UBAP2: variants seen among roughly 807,000 people sequenced by gnomAD.
UBAP2 encodes ubiquitin associated protein 2.
A neutral mutation model predicts 139.6 loss-of-function variants in UBAP2; 75 were observed. That is an observed-to-expected ratio of 0.54 (90% CI 0.45 to 0.65). The LOEUF (loss-of-function observed/expected upper bound fraction) is 0.65, where lower values mean the gene tolerates loss of function less well. Ranked by LOEUF, UBAP2 falls within the 30% of genes least tolerant of loss-of-function variation. The probability of loss-of-function intolerance (pLI) is 0.00; values close to 1 mark genes in which losing one functional copy is unlikely to be tolerated. For missense variants in UBAP2, 1,368 were observed against 1,369.6 expected, an observed-to-expected ratio of 1.00 and a Z score of 0.02; for synonymous variants, 526 against 526.2, an observed-to-expected ratio of 1.00 and a Z score of 0.01.
intron 2 of UBAP2, among the ~76,000 whole-genome samples, chr9:34,001,768 AC>A (rs1822723233): frequency 6.6e-6 from 1 of 152,000 alleles, no homozygotes; most frequent in Non-Finnish European, 1.5e-5. Flanking sequence ...TGTGTTTCAA[AC>A]CTAAAAAATG....
Position 33,964,661 on chromosome 9 carries a change from G to A in UBAP2, c.680-870C>T, listed in dbSNP as rs140226006. 4.2e-3 allele frequency among the ~76,000 whole-genome samples: 642 copies of A among 151,568 alleles called. 3 individuals are homozygous for A. Among genetic ancestry groups the A allele is most frequent in the Non-Finnish European group, 7.3e-3 (493 of 67,906 alleles). On this transcript the variant is annotated intron_variant, in intron 8 of 28. Transcript: ENST00000379238. ...GTTGTAGTGCACTAAGATTACGCCT[G>A]TGAATACCAACTACACTCCAGCCTG...
chr9:34,020,552 G>A lies in UBAP2; in HGVS notation c.-41-3363C>T, dbSNP rs141657290. Among the ~76,000 whole-genome samples, 926 of 151,798 alleles carry A rather than the reference G, an allele frequency of 6.1e-3. 7 individuals are homozygous for A. Among genetic ancestry groups the A allele is most frequent in the African/African-American group, 0.021 (875 of 41,406 alleles). On this transcript the variant is annotated intron_variant, in intron 1 of 28. Coordinates refer to ENST00000379238, the MANE Select transcript of UBAP2 (RefSeq NM_001370062.2). ...TGTTGGTCAGGCTGGTCTCAAACTC[G>A]TGGCCTCAGGTGATCCACCAGCCTT...
At chr9:34,032,862 T>C (rs1826005301) in intron 1 of UBAP2, among the ~76,000 whole-genome samples, 1 of 149,516 alleles carries the variant, frequency 6.7e-6, no homozygotes, top group African/African-American at 2.5e-5. Flanking sequence ...AGGCAGAGGT[T>C]GCAGTGAGCC....
intron 17 of UBAP2, chr9:33,934,419 A>C (rs1262931382): frequency 6.4e-6 from 1 of 155,742 alleles, no homozygotes. Flanking sequence ...AACCCAGGGA[A>C]AGCACTTGAG....
Position 33,932,621 on chromosome 9 carries a change from A to G in UBAP2, c.2116T>C (p.Ser706Pro), listed in dbSNP as rs1587513284. ...SPLSQLSSSL[S>P]SHQSSLSAHA... ...GCAGAGAGGCTGCTCTGGTGGCTGG[A>G]GAGCGAACTAGAAGACAAAACAGAG... Residue 706 changes from serine (S) to proline (P), a missense_variant, in exon 19 of 29, where the codon TCC (serine) becomes CCC (proline). Physicochemically the swap from Ser to Pro is moderately conservative, Grantham distance 74. Coordinates refer to ENST00000379238, the MANE Select transcript of UBAP2 (RefSeq NM_001370062.2). 1 of 1,613,998 alleles carries G rather than the reference A, an allele frequency of 6.2e-7. No individual in the cohort carries two copies. The highest frequency in any genetic ancestry group is 1.1e-5 in the South Asian group (1 of 91,058).
intron 3 of UBAP2, chr9:33,998,369 G>C (rs1271004740): frequency 6.3e-6 from 1 of 159,726 alleles, no homozygotes; most frequent in African/African-American, 2.4e-5. Flanking sequence ...CTGCACTCCA[G>C]CCTGGGCAAC....
Position 34,006,157 on chromosome 9 carries a change from C to T in UBAP2, c.100-7293G>A, listed in dbSNP as rs550392721. Among the ~76,000 whole-genome samples, 4 of 151,322 alleles carry T rather than the reference C, an allele frequency of 2.6e-5. No homozygotes were observed. The South Asian group carries it at 8.4e-4, about 32-fold the overall frequency. Reference sequence around the variant, plus strand: ...CCGAAGCAGGAGAATCGCTTGAACCCGGGAGGCCAGAGGTTGCAGTGAGCC... The same window carrying T: ...CCGAAGCAGGAGAATCGCTTGAACCTGGGAGGCCAGAGGTTGCAGTGAGCC... On this transcript the variant is annotated intron_variant, in intron 2 of 28. Coordinates refer to ENST00000379238, the MANE Select transcript of UBAP2 (RefSeq NM_001370062.2).
At chr9:34,025,508 A>G (rs1241358113) in intron 1 of UBAP2, among the ~76,000 whole-genome samples, 2 of 152,228 alleles carry the variant, frequency 1.3e-5, no homozygotes, top group Non-Finnish European at 2.9e-5. Context: ...AAGATGTGAT[A>G]GATTTTAACA....
intron 1 of UBAP2, among the ~76,000 whole-genome samples, chr9:34,035,838 C>T (rs998681947): frequency 6.6e-6 from 1 of 151,854 alleles, no homozygotes; most frequent in Admixed American, 6.6e-5. Flanking sequence ...ATCGTCCCTG[C>T]CTTTTTGCCT....
intron 8 of UBAP2, among the ~76,000 whole-genome samples, chr9:33,969,312 G>T (rs1827713320): frequency 6.6e-6 from 1 of 152,052 alleles, no homozygotes; most frequent in African/African-American, 2.4e-5. Flanking sequence ...CCTAGCACTG[G>T]CTGGGTGGGA....
chr9:34,041,732 T>C (rs1257736352), intron 1 of UBAP2, among the ~76,000 whole-genome samples: 1 of 151,584 alleles, frequency 6.6e-6, no homozygotes, highest in African/African-American at 2.4e-5. Context: ...AAAAAAGAAA[T>C]CTACATGGGG....
intron 12 of UBAP2, among the ~76,000 whole-genome samples, chr9:33,950,932 G>A (rs553116305): frequency 6.6e-6 from 1 of 152,154 alleles, no homozygotes; most frequent in Admixed American, 6.5e-5. Context: ...AACACACACA[G>A]TGCCCAAATC....
intron 6 of UBAP2, among the ~76,000 whole-genome samples, chr9:33,985,037 T>C (rs307702): frequency 0.19 from 29,252 of 152,144 alleles, 2,940 homozygotes; most frequent in South Asian, 0.36. Context: ...GGTACAGCCA[T>C]TTTGGAAAAC....
intron 17 of UBAP2, chr9:33,935,459 G>A (rs1824413903): frequency 4.7e-6 from 1 of 213,692 alleles, no homozygotes; most frequent in Non-Finnish European, 9.2e-6. Flanking sequence ...TAGAGACAGA[G>A]TTTCACCATG....
chr9:33,970,860 T>A (rs1034479695), intron 8 of UBAP2, among the ~76,000 whole-genome samples: 8 of 152,352 alleles, frequency 5.3e-5, no homozygotes, highest in African/African-American at 1.7e-4. Context: ...TGGAGTGCAA[T>A]GGCACGATCT....
chr9:33,942,108 T>A (rs980472707), intron 15 of UBAP2, among the ~76,000 whole-genome samples: 1 of 150,270 alleles, frequency 6.7e-6, no homozygotes, highest in African/African-American at 2.5e-5. Flanking sequence ...GGTCAGGAGA[T>A]CGAGACCATC....
At chr9:33,933,348 C>G in intron 18 of UBAP2, 142 bp downstream of exon 18, 1 of 1,022,764 alleles carries the variant, frequency 9.8e-7, no homozygotes, top group Non-Finnish European at 1.4e-6. Flanking sequence ...TGGCCAAAAC[C>G]TAAGCTACAG....
chr9:34,037,815 T>C (rs1231406186), intron 1 of UBAP2, among the ~76,000 whole-genome samples: 1 of 151,840 alleles, frequency 6.6e-6, no homozygotes, highest in East Asian at 1.9e-4. Context: ...ATAAAAATAC[T>C]TCAGTGACAA....
At chr9:33,954,710 A>C (rs536039273) in intron 11 of UBAP2, among the ~76,000 whole-genome samples, 58 of 150,996 alleles carry the variant, frequency 3.8e-4, no homozygotes, top group African/African-American at 1.4e-3. Flanking sequence ...ATCCCAGTAA[A>C]TTCACTGAAT....
Sources: gnomAD v4.1 joint callset for allele counts (sites outside exome capture counted in the v4.1 genomes callset) on GRCh38, gnomAD v4.1.1 for gene constraint, MANE v1.5 for transcripts, NCBI Gene and HGNC (gene_info 2026-07-23, HGNC 2026-07-21) for gene names.